Variants in BIRC6 observed in about 807,000 individuals in gnomAD.
BIRC6 encodes the protein dual E2 ubiquitin-conjugating enzyme/E3 ubiquitin-protein ligase BIRC6.
A neutral mutation model predicts 503.3 loss-of-function variants in BIRC6; 98 were observed. That is an observed-to-expected ratio of 0.19 (90% CI 0.17 to 0.23). The LOEUF (loss-of-function observed/expected upper bound fraction) is 0.23. Among genes scored for constraint, BIRC6 ranks in the 10% least tolerant of loss-of-function variants. The probability of loss-of-function intolerance (pLI) is 1.00; values close to 1 mark genes in which losing one functional copy is unlikely to be tolerated. For missense variants in BIRC6, 5,360 were observed against 5,806.0 expected (o/e 0.92, Z 2.50); for synonymous variants, 2,240 against 2,078.7 (o/e 1.08, Z -2.11).
chr2:32,428,183 G>A (rs1023361622), intron 10 of BIRC6, among the ~76,000 whole-genome samples: 1 of 152,188 alleles, frequency 6.6e-6, no homozygotes, highest in African/African-American at 2.4e-5. Context: ...TAGAGGCTTA[G>A]TTGACTGAGG....
chr2:32,535,535 A>T (rs1378272165), intron 61 of BIRC6, among the ~76,000 whole-genome samples: 2 of 151,982 alleles, frequency 1.3e-5, no homozygotes, highest in Non-Finnish European at 1.5e-5. Flanking sequence ...ATTCCCACCT[A>T]TGAGTGAGAA....
chr2:32,363,978 T>C (rs553698066), intron 1 of BIRC6, among the ~76,000 whole-genome samples: 74 of 152,368 alleles, frequency 4.9e-4, no homozygotes, highest in African/African-American at 1.6e-3. Context: ...GTAACAAATA[T>C]ACAGTAATCT....
intron 55 of BIRC6, among the ~76,000 whole-genome samples, 156 bp from the exon 56 acceptor site, chr2:32,518,098 C>T (rs1322770212): frequency 6.6e-6 from 1 of 150,510 alleles, no homozygotes; most frequent in African/African-American, 2.4e-5. Flanking sequence ...AAAAAAAAAA[C>T]TTAACTACTA....
At chr2:32,462,580 A>T (rs1225393399) in intron 23 of BIRC6, among the ~76,000 whole-genome samples, 3 of 152,112 alleles carry the variant, frequency 2.0e-5, no homozygotes, top group African/African-American at 2.4e-5. Flanking sequence ...AGTAAAGCAA[A>T]TTTATTTCTT....
At chr2:32,437,095 G>A (rs975640553) in intron 15 of BIRC6, among the ~76,000 whole-genome samples, 2 of 151,580 alleles carry the variant, frequency 1.3e-5, no homozygotes, top group South Asian at 2.1e-4. Flanking sequence ...TCATCATGTC[G>A]CCCAGGGTGA....
chr2:32,588,350 C>T (rs926855902), intron 66 of BIRC6, among the ~76,000 whole-genome samples: 2 of 151,904 alleles, frequency 1.3e-5, no homozygotes, highest in Admixed American at 6.6e-5. Flanking sequence ...AGTGAAACTC[C>T]GTCTCAATAA....
At chr2:32,540,177 T>G (rs2057546951) in intron 61 of BIRC6, among the ~76,000 whole-genome samples, 1 of 152,204 alleles carries the variant, frequency 6.6e-6, no homozygotes, top group Non-Finnish European at 1.5e-5. Flanking sequence ...AGTACCATGG[T>G]TATGATTTTG....
intron 65 of BIRC6, chr2:32,558,740 G>A (rs565695403): frequency 6.6e-6 from 1 of 152,124 alleles, no homozygotes; most frequent in Non-Finnish European, 1.5e-5. Flanking sequence ...TTCACGGAGG[G>A]CTTGTGAACA....
At chr2:32,372,463 A>G (rs937407414) in intron 1 of BIRC6, among the ~76,000 whole-genome samples, 2 of 152,168 alleles carry the variant, frequency 1.3e-5, no homozygotes, top group Non-Finnish European at 2.9e-5. Flanking sequence ...AAGTTTTTGC[A>G]TGTATTAATA....
intron 65 of BIRC6, among the ~76,000 whole-genome samples, chr2:32,557,057 T>C (rs2058836901): frequency 6.6e-6 from 1 of 152,270 alleles, no homozygotes; most frequent in Admixed American, 6.5e-5. Context: ...GTCAATATTT[T>C]ATTGAAACAA....
At chr2:32,556,000 A>G (rs2058752607) in intron 65 of BIRC6, among the ~76,000 whole-genome samples, 1 of 151,558 alleles carries the variant, frequency 6.6e-6, no homozygotes, top group Non-Finnish European at 1.5e-5. Flanking sequence ...ATATGGCTCT[A>G]GTTTTTGTGA....
intron 1 of BIRC6, among the ~76,000 whole-genome samples, chr2:32,368,483 TG>T (rs2035292327): frequency 6.6e-6 from 1 of 152,074 alleles, no homozygotes; most frequent in African/African-American, 2.4e-5. Context: ...GAGGTTGCAG[TG>T]AGCTGAAATC....
intron 21 of BIRC6, among the ~76,000 whole-genome samples, chr2:32,447,505 G>T (rs1236281344): frequency 6.4e-5 from 8 of 125,346 alleles, no homozygotes; most frequent in Admixed American, 1.5e-4. Context: ...CCTCCCGGAC[G>T]GGGCGGCTGG....
chr2:32,581,004 C>T (rs560344271), intron 66 of BIRC6, among the ~76,000 whole-genome samples: 14 of 152,320 alleles, frequency 9.2e-5, no homozygotes, highest in East Asian at 1.9e-4. Context: ...TTCTCATATA[C>T]GAATCCGACG....
At chr2:32,389,444 C>A (rs1052018664) in intron 4 of BIRC6, among the ~76,000 whole-genome samples, 1 of 150,896 alleles carries the variant, frequency 6.6e-6, no homozygotes, top group African/African-American at 2.4e-5. Context: ...TTTTATGCTG[C>A]TCGCCCTGGA....
chr2:32,490,586 C>T (rs761425789), intron 43 of BIRC6, among the ~76,000 whole-genome samples: 14 of 151,960 alleles, frequency 9.2e-5, no homozygotes, highest in Non-Finnish European at 1.3e-4. Context: ...TGAATTAGTT[C>T]TTATATATCC....
intron 24 of BIRC6, 26 bp from the exon 25 acceptor site, chr2:32,464,483 A>G (rs2048320280): frequency 1.9e-6 from 3 of 1,541,012 alleles, no homozygotes; most frequent in Non-Finnish European, 2.6e-6. Flanking sequence ...ATTAGTCTAT[A>G]TATGTTGCTT....
At chr2:32,597,685 T>A (rs749235681) in intron 68 of BIRC6, 66 bp from the exon 69 acceptor site, 8 of 1,183,296 alleles carry the variant, frequency 6.8e-6, no homozygotes, top group Non-Finnish European at 9.8e-6. Context: ...CTAGTGATTG[T>A]TTGTGATTTT....
chr2:32,401,451 T>C lies in BIRC6; in HGVS notation c.1258-12T>C. 6.2e-7 allele frequency: 1 copy of C among 1,613,054 alleles called. No individual in the cohort carries two copies. Among genetic ancestry groups the C allele is most frequent in the Non-Finnish European group, 8.5e-7 (1 of 1,179,464 alleles). On this transcript the variant is annotated splice_polypyrimidine_tract_variant and intron_variant, in intron 7 of 73. Transcript: ENST00000421745. ...AAGATCAGTTGTAAACTTAGGCTTT[T>C]CATTTGTTTAGGTGCACTTAAAGTT... is the stretch of plus-strand genomic sequence containing the variant.
Sources: gnomAD v4.1 joint callset for allele counts (sites outside exome capture counted in the v4.1 genomes callset) on GRCh38, gnomAD v4.1.1 for gene constraint, MANE v1.5 for transcripts, NCBI Gene and HGNC (gene_info 2026-07-23, HGNC 2026-07-21) for gene names.